The following GLIS1 variants were observed in gnomAD, a reference collection of about 807,000 sequenced individuals.
The protein encoded by GLIS1 is GLIS family zinc finger 1.
In GLIS1, 24 loss-of-function variants were observed where a neutral mutation model predicts 63.8. The observed-to-expected ratio is 0.38, with a 90% CI of 0.27 to 0.53. GLIS1 has a LOEUF of 0.53. Among genes scored for constraint, GLIS1 ranks in the 20% least tolerant of loss-of-function variants. GLIS1 has a pLI of 0.85. For missense variants in GLIS1, 1,036 were observed against 1,074.1 expected (o/e 0.96, Z 0.50); for synonymous variants, 450 against 482.5 (o/e 0.93, Z 0.88).
chr1:53,557,778 A>G lies in GLIS1; in HGVS notation c.1321-27826T>C, dbSNP rs537680. On this transcript the variant is annotated intron_variant, in intron 4 of 10. Transcript: ENST00000628545. ...GTAAATATATATCTTCTTTTAAATG[A>G]AGCACGTTATAGTACCTAAATGGTT... Among the ~76,000 whole-genome samples the G allele has an allele frequency of 3.4e-3, 525 of 152,354 alleles. 5 individuals carry two copies. Among genetic ancestry groups the G allele is most frequent in the African/African-American group, 0.01 (419 of 41,578 alleles).
At chr1:53,641,264 G>A (rs1479958190) in intron 2 of GLIS1, among the ~76,000 whole-genome samples, 2 of 152,154 alleles carry the variant, frequency 1.3e-5, no homozygotes, top group African/African-American at 2.4e-5. Context: ...TTCTGAGGCT[G>A]TTTCCTCATC....
intron 4 of GLIS1, among the ~76,000 whole-genome samples, chr1:53,580,730 G>A (rs1236139087): frequency 6.6e-6 from 1 of 151,956 alleles, no homozygotes; most frequent in Non-Finnish European, 1.5e-5. Flanking sequence ...GCATATGGAA[G>A]AGAACACGTG....
chr1:53,511,628 A>T lies in GLIS1; in HGVS notation c.1884-1601T>A, dbSNP rs1644299145. Among the ~76,000 whole-genome samples, 1 of 152,232 alleles carries T rather than the reference A, an allele frequency of 6.6e-6. No individual in the cohort carries two copies. The highest frequency in any genetic ancestry group is 1.5e-5 in the Non-Finnish European group (1 of 68,040). On this transcript the variant is annotated intron_variant, in intron 8 of 10. Coordinates refer to ENST00000628545, the MANE Select transcript of GLIS1 (RefSeq NM_001367484.1). The surrounding 1 kb of genome is among the most constrained non-coding windows in gnomAD (Gnocchi z 4.2). ...TGAGACGAATCCTCATCACACCTCC[A>T]GGAATAAATTATCATTATCATCATC...
intron 2 of GLIS1, among the ~76,000 whole-genome samples, chr1:53,606,854 C>T (rs1303455878): frequency 6.6e-6 from 1 of 152,248 alleles, no homozygotes; most frequent in Non-Finnish European, 1.5e-5. Flanking sequence ...CCCATAAATT[C>T]CCCCTTTAAA....
intron 4 of GLIS1, among the ~76,000 whole-genome samples, chr1:53,538,330 G>A (rs80003995): frequency 0.017 from 2,646 of 152,278 alleles, 68 homozygotes; most frequent in African/African-American, 0.06. Flanking sequence ...GGGCATGTGC[G>A]GGGACTGAGC....
At chr1:53,580,605 G>A (rs570018134) in intron 4 of GLIS1, among the ~76,000 whole-genome samples, 3 of 152,226 alleles carry the variant, frequency 2.0e-5, no homozygotes, top group Non-Finnish European at 2.9e-5. Context: ...CAGAGCAGGG[G>A]GAGGCCAGGG....
At chr1:53,649,942 T>C (rs796441752) in intron 2 of GLIS1, among the ~76,000 whole-genome samples, 24 of 152,326 alleles carry the variant, frequency 1.6e-4, no homozygotes, top group African/African-American at 5.5e-4. Flanking sequence ...TTTTTGACTA[T>C]ACCGGGGCTC....
intron 2 of GLIS1, among the ~76,000 whole-genome samples, chr1:53,737,336 C>T (rs1183098221): frequency 6.6e-6 from 1 of 152,210 alleles, no homozygotes; most frequent in South Asian, 2.1e-4. Context: ...CAGAAATCAT[C>T]TGGTTTAATT....
In GLIS1 at chr1:53,596,370, G is replaced by A. The variant is rs556779032; in HGVS notation, c.438-1380C>T. 3.5e-4 allele frequency among the ~76,000 whole-genome samples: 54 copies of A among 152,334 alleles called. 1 individual carries two copies. The Middle Eastern group carries it at 0.01, about 29-fold the overall frequency. On this transcript the variant is annotated intron_variant, in intron 3 of 10. Coordinates refer to ENST00000628545, the MANE Select transcript of GLIS1 (RefSeq NM_001367484.1). ...GGTCAGGAAAGTGAGGCAGGGCTGA[G>A]AGTTAGGACACCCCCCTGGCTGGCT... is the stretch of plus-strand genomic sequence containing the variant.
chr1:53,506,453 C>T lies in GLIS1; in HGVS notation c.*166G>A. On this transcript the variant is annotated 3_prime_UTR_variant, in exon 11 of 11. Transcript: ENST00000628545. ...CCAGCTCAAGCTCGGATGGCGGCTC[C>T]CTGGCAGCGCTGGGTGGGGTGGCAG... 5 of 685,826 alleles carry T rather than the reference C, an allele frequency of 7.3e-6. No individual in the cohort carries two copies. The highest frequency in any genetic ancestry group is 4.1e-4 in the Middle Eastern group (1 of 2,436). The allele number at this position is 685,826 out of a possible 1,614,324, so 42.5% of individuals were successfully genotyped here.
chr1:53,674,765 G>C lies in GLIS1; in HGVS notation c.259+63041C>G, dbSNP rs544409922. ...ATCCAGAGGCCCCTGGGATTGAGCTGAAGTCATTCACATAAGGGATGCTAG... is the reference window on the plus strand; with the variant it reads ...ATCCAGAGGCCCCTGGGATTGAGCTCAAGTCATTCACATAAGGGATGCTAG... On this transcript the variant is annotated intron_variant, in intron 2 of 10. Coordinates refer to ENST00000628545, the MANE Select transcript of GLIS1 (RefSeq NM_001367484.1). 1.1e-3 allele frequency among the ~76,000 whole-genome samples: 169 copies of C among 152,308 alleles called. No homozygotes were observed. In the Middle Eastern group the frequency reaches 0.017, roughly 15 times the overall value.
rs1204452749 is a variant in GLIS1, at chr1:53,550,395, G to A, written c.1321-20443C>T. ...GAACAGAGGCCTCTGGGGGAGGCTTGCCCCAGGGCTGGGAGGGTTAGACAT... is the reference window on the plus strand; with the variant it reads ...GAACAGAGGCCTCTGGGGGAGGCTTACCCCAGGGCTGGGAGGGTTAGACAT... On this transcript the variant is annotated intron_variant, in intron 4 of 10. Coordinates refer to ENST00000628545, the MANE Select transcript of GLIS1 (RefSeq NM_001367484.1). Among the ~76,000 whole-genome samples the A allele has an allele frequency of 2.6e-5, 4 of 152,318 alleles. No individual in the cohort carries two copies. The East Asian group carries it at 7.7e-4, about 29-fold the overall frequency.
intron 2 of GLIS1, among the ~76,000 whole-genome samples, chr1:53,734,860 A>T (rs1400008472): frequency 3.3e-5 from 5 of 152,248 alleles, no homozygotes; most frequent in Non-Finnish European, 7.3e-5. Context: ...AATAGGAAAG[A>T]AAAATGCAGC....
chr1:53,571,873 C>T (rs1172796545), intron 4 of GLIS1, among the ~76,000 whole-genome samples: 7 of 152,220 alleles, frequency 4.6e-5, no homozygotes, highest in Middle Eastern at 6.8e-3. Flanking sequence ...CCACCACGCC[C>T]GGCCAAAATC....
Position 53,509,931 on chromosome 1 carries a change from GC to G in GLIS1, c.1979del (p.Gly660AlafsTer165), listed in dbSNP as rs1239752133. On this transcript the variant is annotated frameshift_variant, in exon 9 of 11. Coordinates refer to ENST00000628545, the MANE Select transcript of GLIS1 (RefSeq NM_001367484.1). LOFTEE classifies it high-confidence loss of function. ...TGCTGGGGAGTGTGGGGAAGGGCTG[GC>G]CCCCCGGAGAATGGCTCTGAGAGGA... ...PPSSQSHSPG[G>X]QPFPTLPSKP... The G allele has an allele frequency of 1.5e-6, 2 of 1,304,668 alleles. No individual in the cohort carries two copies. The highest frequency in any genetic ancestry group is 3.2e-5 in the Admixed American group (1 of 31,708). The allele number at this position is 1,304,668 out of a possible 1,614,324, so 80.8% of individuals were successfully genotyped here.
chr1:53,551,972 G>A (rs1158836480), intron 4 of GLIS1, among the ~76,000 whole-genome samples: 2 of 151,864 alleles, frequency 1.3e-5, no homozygotes, highest in Admixed American at 1.3e-4. Flanking sequence ...CACCCAACCA[G>A]AAAACTTCCC....
intron 2 of GLIS1, among the ~76,000 whole-genome samples, chr1:53,707,832 C>T (rs1344718301): frequency 6.6e-6 from 1 of 151,610 alleles, no homozygotes; most frequent in East Asian, 2.0e-4. Flanking sequence ...GGATTACAGG[C>T]GTGAGCCACC....
rs148275883 is a variant in GLIS1 at position 53,642,803 on chromosome 1, A to T, written c.260-42525T>A. 7.2e-3 allele frequency among the ~76,000 whole-genome samples: 1,102 copies of T among 152,208 alleles called. 6 individuals carry two copies. Among genetic ancestry groups the T allele is most frequent in the Middle Eastern group, 0.024 (7 of 294 alleles). ...TCACCTCCTCCGGGAAGTCTCCCTGATCTCCACCAGGCTGCCCGGCCTCCC... is the reference window on the plus strand; with the variant it reads ...TCACCTCCTCCGGGAAGTCTCCCTGTTCTCCACCAGGCTGCCCGGCCTCCC... On this transcript the variant is annotated intron_variant, in intron 2 of 10. Transcript: ENST00000628545.
chr1:53,593,152 C>G (rs962667289), intron 4 of GLIS1, among the ~76,000 whole-genome samples: 1 of 152,270 alleles, frequency 6.6e-6, no homozygotes, highest in African/African-American at 2.4e-5. Flanking sequence ...ACCAGCCATG[C>G]TGCTGTCCTG....
Sources: gnomAD v4.1 joint callset for allele counts (sites outside exome capture counted in the v4.1 genomes callset) on GRCh38, gnomAD v4.1.1 for gene constraint, Gnocchi (gnomAD v3.1) non-coding constraint, MANE v1.5 for transcripts, NCBI Gene and HGNC (gene_info 2026-07-23, HGNC 2026-07-21) for gene names.